PCDHA3: variants seen among roughly 807,000 people sequenced by gnomAD.
PCDHA3 encodes the protein protocadherin alpha 3.
In PCDHA3, 41 loss-of-function variants were observed where a neutral mutation model predicts 62.2. The observed-to-expected ratio is 0.66, with a 90% CI of 0.51 to 0.86. PCDHA3 has a LOEUF of 0.86. Among genes scored for constraint, PCDHA3 ranks in the 40% least tolerant of loss-of-function variants. PCDHA3 has a pLI of 0.00. For missense variants in PCDHA3, 1,304 were observed against 1,241.2 expected (o/e 1.05, Z -0.76); for synonymous variants, 640 against 555.4 (o/e 1.15, Z -2.14).
intron 2 of PCDHA3, 38 bp from the exon 3 acceptor site, chr5:140,982,437 A>G: frequency 6.2e-7 from 1 of 1,613,390 alleles, no homozygotes; most frequent in East Asian, 2.2e-5. Flanking sequence ...GAAAGAATTT[A>G]TGATCTAACC....
intron 1 of PCDHA3, chr5:140,805,027 T>G (rs1554123190): frequency 6.3e-7 from 1 of 1,579,868 alleles, no homozygotes; most frequent in Non-Finnish European, 8.6e-7. Context: ...TTCTTGAATA[T>G]AATAGAGTCA....
chr5:140,969,672 A>C (rs1251717537), intron 1 of PCDHA3, among the ~76,000 whole-genome samples: 2 of 152,198 alleles, frequency 1.3e-5, no homozygotes, highest in African/African-American at 4.8e-5. Context: ...TAATGTTATG[A>C]GACTCAAGGA....
At chr5:140,870,178 C>A (rs2051730547) in intron 1 of PCDHA3, 6 of 1,614,096 alleles carry the variant, frequency 3.7e-6, no homozygotes, top group Non-Finnish European at 5.1e-6. Flanking sequence ...CCTCCCAGTA[C>A]GAGAGGACGC....
chr5:140,809,417 G>C (rs1168580497), intron 1 of PCDHA3: 4 of 1,614,124 alleles, frequency 2.5e-6, no homozygotes, highest in Non-Finnish European at 3.4e-6. Context: ...GTGCTCCAGT[G>C]CGGTGGGGAG....
intron 1 of PCDHA3, among the ~76,000 whole-genome samples, chr5:140,960,767 G>A (rs1160174091): frequency 1.3e-5 from 2 of 152,036 alleles, no homozygotes; most frequent in Admixed American, 6.6e-5. Context: ...GAGTTACAGA[G>A]GAGAAATAGG....
intron 1 of PCDHA3, chr5:140,835,322 T>C: frequency 6.2e-7 from 1 of 1,613,282 alleles, no homozygotes; most frequent in Non-Finnish European, 8.5e-7. Context: ...TTGAAGAAAG[T>C]AGAGCACACA....
At chr5:140,978,763 A>G (rs932766044) in intron 1 of PCDHA3, among the ~76,000 whole-genome samples, 186 bp from the exon 2 acceptor site, 11 of 152,258 alleles carry the variant, frequency 7.2e-5, no homozygotes, top group Non-Finnish European at 1.3e-4. Flanking sequence ...GAGGACCCTG[A>G]TGAACTAATT....
chr5:140,856,274 G>T, intron 1 of PCDHA3: 1 of 1,598,358 alleles, frequency 6.3e-7, no homozygotes, highest in Non-Finnish European at 8.6e-7. Context: ...CCTTCTGGAG[G>T]TAAATCTGCA....
chr5:140,838,003 A>T lies in PCDHA3; in HGVS notation c.2394+34412A>T, dbSNP rs2150281807. Among the ~76,000 whole-genome samples, 108 of 151,040 alleles carry T rather than the reference A, an allele frequency of 7.2e-4. 1 individual carries two copies. Among genetic ancestry groups the T allele is most frequent in the East Asian group, 2.3e-3 (12 of 5,140 alleles). On this transcript the variant is annotated intron_variant, in intron 1 of 3. Coordinates refer to ENST00000522353, the MANE Select transcript of PCDHA3 (RefSeq NM_018906.3). ...CTGCCTTTCATCTTTCCTTTTTTTTAAAAAAAGAAGTGATTACAGTAGAAA... is the reference window on the plus strand; with the variant it reads ...CTGCCTTTCATCTTTCCTTTTTTTTTAAAAAAGAAGTGATTACAGTAGAAA...
At chr5:140,888,189 T>C (rs1554183360) in intron 1 of PCDHA3, among the ~76,000 whole-genome samples, 2 of 152,344 alleles carry the variant, frequency 1.3e-5, no homozygotes. Flanking sequence ...TTGTGAATTT[T>C]ACATTGTCGG....
chr5:140,980,428 G>A (rs868912779), intron 2 of PCDHA3, among the ~76,000 whole-genome samples: 5 of 152,028 alleles, frequency 3.3e-5, no homozygotes, highest in Admixed American at 2.6e-4. Flanking sequence ...TCAAGAGATC[G>A]AGACCATCCT....
chr5:140,859,358 A>G (rs1470133461), intron 1 of PCDHA3: 1 of 254,184 alleles, frequency 3.9e-6, no homozygotes, highest in Non-Finnish European at 7.4e-6. Context: ...CTGATCTGAT[A>G]TATTGTATAG....
intron 1 of PCDHA3, among the ~76,000 whole-genome samples, chr5:140,897,200 T>C (rs1462263623): frequency 1.3e-5 from 2 of 152,172 alleles, no homozygotes; most frequent in African/African-American, 4.8e-5. Context: ...TTTTTTATTA[T>C]ACTTTAAGTT....
chr5:140,842,273 A>G, intron 1 of PCDHA3: 1 of 1,610,790 alleles, frequency 6.2e-7, no homozygotes, highest in Non-Finnish European at 8.5e-7. Flanking sequence ...CTTATACAAA[A>G]TCCTCATTGA....
chr5:140,920,747 G>A (rs565649077), intron 1 of PCDHA3, among the ~76,000 whole-genome samples: 10 of 152,052 alleles, frequency 6.6e-5, no homozygotes, highest in African/African-American at 2.4e-4. Context: ...AGGAGGCTGA[G>A]GCAGGAGAAT....
intron 1 of PCDHA3, among the ~76,000 whole-genome samples, chr5:140,906,410 A>T (rs1454575995): frequency 6.6e-6 from 1 of 152,246 alleles, no homozygotes; most frequent in Non-Finnish European, 1.5e-5. Flanking sequence ...ATATGAAGTC[A>T]ATAAATCTTA....
rs1228559116 is a variant in PCDHA3, at chr5:140,927,616, G to A, written c.2395-51333G>A. On this transcript the variant is annotated intron_variant, in intron 1 of 3. Coordinates refer to ENST00000522353, the MANE Select transcript of PCDHA3 (RefSeq NM_018906.3). ...TGAGCGCTCCGTATACCGCACCAAG[G>A]TTCCAGAGACTGCACCCAATGGGAC... 1.1e-5 allele frequency: 18 copies of A among 1,614,046 alleles called. No individual in the cohort carries two copies. Among genetic ancestry groups the A allele is most frequent in the Non-Finnish European group, 1.5e-5 (18 of 1,180,038 alleles).
At chr5:140,982,602 G>A (rs1554244640) in intron 3 of PCDHA3, 39 bp downstream of exon 3, 2 of 1,607,914 alleles carry the variant, frequency 1.2e-6, no homozygotes, top group African/African-American at 2.7e-5. Context: ...CTTGGTTTCT[G>A]GAAAGTGATC....
At chr5:140,976,578 A>C (rs997881753) in intron 1 of PCDHA3, among the ~76,000 whole-genome samples, 1 of 152,204 alleles carries the variant, frequency 6.6e-6, no homozygotes, top group Admixed American at 6.5e-5. Context: ...TATAAATAAA[A>C]CACAGACTTT....
Sources: allele counts gnomAD v4.1 joint callset (sites outside exome capture counted in the v4.1 genomes callset), GRCh38; gene constraint gnomAD v4.1.1; transcripts MANE v1.5; gene names NCBI Gene and HGNC (gene_info 2026-07-23, HGNC 2026-07-21).